The following MTPAP variants were observed in gnomAD, a reference collection of about 807,000 sequenced individuals.
The protein encoded by MTPAP is poly(A) RNA polymerase, mitochondrial.
A neutral mutation model predicts 48.7 loss-of-function variants in MTPAP; 23 were observed. The observed-to-expected ratio is 0.47, with a 90% CI of 0.34 to 0.67. The LOEUF (loss-of-function observed/expected upper bound fraction) is 0.67. Among genes scored for constraint, MTPAP ranks in the 30% least tolerant of loss-of-function variants. The pLI, the probability that MTPAP is intolerant of heterozygous loss-of-function variation, is 0.01. For missense variants in MTPAP, 614 were observed against 694.3 expected (o/e 0.88, Z 1.30); for synonymous variants, 257 against 254.1 (o/e 1.01, Z -0.11).
Position 30,341,641 on chromosome 10 carries a change from CT to C in MTPAP, c.158-2del. 1 of 1,613,814 alleles carries C rather than the reference CT, an allele frequency of 6.2e-7. No individual in the cohort carries two copies. Among genetic ancestry groups the C allele is most frequent in the Non-Finnish European group, 8.5e-7 (1 of 1,179,988 alleles). On this transcript the variant is annotated splice_acceptor_variant, in intron 1 of 8. Transcript: ENST00000263063. LOFTEE classifies it high-confidence loss of function. The stretch of plus-strand genomic sequence containing the variant: ...CTTTTGGGAATCTTGTCTTCAAAGC[CT>C]ATGAACGAGACAAAAACATTTCCAC...
chr10:30,317,773 C>T (rs1008033667), intron 6 of MTPAP, among the ~76,000 whole-genome samples: 2 of 152,166 alleles, frequency 1.3e-5, no homozygotes, highest in Admixed American at 6.5e-5. Flanking sequence ...TTCATTATTG[C>T]CCAACTCCCC....
At chr10:30,341,747 C>T in intron 1 of MTPAP, 107 bp from the exon 2 acceptor site, 2 of 1,157,556 alleles carry the variant, frequency 1.7e-6, no homozygotes, top group Non-Finnish European at 2.6e-6. Context: ...CCAACTTCAC[C>T]TAATCTATTT....
rs1034015252 is a variant in MTPAP, at chr10:30,311,494, A to C, written c.*2115T>G. ...GAAAGGCAACAGTTAAAGAGAAGTA[A>C]CATTTACTTCGCGCCAGGAAAATGC... On this transcript the variant is annotated 3_prime_UTR_variant, in exon 9 of 9. Coordinates refer to ENST00000263063, the MANE Select transcript of MTPAP (RefSeq NM_018109.4). 1 of 152,216 alleles carries C rather than the reference A, an allele frequency of 6.6e-6. No homozygotes were observed. Among genetic ancestry groups the C allele is most frequent in the African/African-American group, 2.4e-5 (1 of 41,440 alleles). The allele number at this position is 152,216 out of a possible 1,614,324, so 9.4% of individuals were successfully genotyped here.
chr10:30,348,368 C>G (rs1425819997), intron 1 of MTPAP, among the ~76,000 whole-genome samples: 1 of 152,172 alleles, frequency 6.6e-6, no homozygotes, highest in Non-Finnish European at 1.5e-5. Context: ...ATTAACTGAG[C>G]TAGTGACCTT....
chr10:30,328,852 TAGGG>T (rs2132856218), intron 4 of MTPAP, among the ~76,000 whole-genome samples: 1 of 151,768 alleles, frequency 6.6e-6, no homozygotes, highest in South Asian at 2.1e-4. Flanking sequence ...TCAGTGCGGG[TAGGG>T]AGGAAGGAGT....
chr10:30,316,410 T>C (rs1243833173), intron 6 of MTPAP, among the ~76,000 whole-genome samples, 200 bp from the exon 7 acceptor site: 1 of 151,562 alleles, frequency 6.6e-6, no homozygotes, highest in Admixed American at 6.6e-5. Context: ...GCTCAGCTCA[T>C]TTTTGTATTT....
At chr10:30,342,223 G>T (rs567795696) in intron 1 of MTPAP, among the ~76,000 whole-genome samples, 3 of 152,138 alleles carry the variant, frequency 2.0e-5, no homozygotes, top group Non-Finnish European at 4.4e-5. Context: ...GCAACAGAGC[G>T]AGACTCTGTC....
intron 1 of MTPAP, among the ~76,000 whole-genome samples, chr10:30,343,493 G>T (rs921494883): frequency 6.6e-6 from 1 of 151,850 alleles, no homozygotes; most frequent in Admixed American, 6.6e-5. Context: ...GAAGCTTTTA[G>T]CCTCATTTTC....
rs775268924 is a variant in MTPAP at position 30,326,576 on chromosome 10, T to C, written c.840A>G (p.Ala280=). 6.2e-7 allele frequency: 1 copy of C among 1,614,192 alleles called. No individual in the cohort carries two copies. The highest frequency in any genetic ancestry group is 1.1e-5 in the South Asian group (1 of 91,088). Residue 280 remains alanine (A), a synonymous_variant, in exon 5 of 9, where the codon GCA becomes GCG. Coordinates refer to ENST00000263063, the MANE Select transcript of MTPAP (RefSeq NM_018109.4). The part of the protein sequence containing the change: ...QVKNVPSERI[A]TQKILSVLGE... ...CTAACACAGACAGGATCTTCTGAGT[T>C]GCAATTCTTTCTGAAGGAACATTTT...
rs772016397 is a variant in MTPAP, at chr10:30,336,847, T to C, written c.736A>G (p.Met246Val). 1 of 1,612,426 alleles carries C rather than the reference T, an allele frequency of 6.2e-7. No individual in the cohort carries two copies. The highest frequency in any genetic ancestry group is 8.5e-7 in the Non-Finnish European group (1 of 1,179,980). Reference protein sequence around the residue: ...TFGKLGCDLDMFLDLDETRNL... With the variant: ...TFGKLGCDLDVFLDLDETRNL... ...CTGGTTTCATCTAGATCCAAAAACATGTCCAAATCACATCCTAACTTCCCA... is the reference window on the plus strand; with the variant it reads ...CTGGTTTCATCTAGATCCAAAAACACGTCCAAATCACATCCTAACTTCCCA... Residue 246 changes from methionine to valine, a missense_variant, in exon 4 of 9, where the codon ATG (methionine) becomes GTG (valine). By Grantham distance (21) the Met-to-Val change is conservative (BLOSUM62 1). Transcript: ENST00000263063.
rs531013129 is a variant in MTPAP at position 30,339,655 on chromosome 10, C to T, written c.555+571G>A. Among the ~76,000 whole-genome samples, 5 of 152,108 alleles carry T rather than the reference C, an allele frequency of 3.3e-5. No individual in the cohort carries two copies. In the South Asian group the frequency reaches 6.2e-4, roughly 19 times the overall value. ...ACCTGTAAGTACAAATGGGGCATGGCGGGGAAGGAGCAGACAAGGATTACT... is the reference window on the plus strand; with the variant it reads ...ACCTGTAAGTACAAATGGGGCATGGTGGGGAAGGAGCAGACAAGGATTACT... On this transcript the variant is annotated intron_variant, in intron 3 of 8. Transcript: ENST00000263063.
rs1840599078 is a variant in MTPAP at position 30,312,023 on chromosome 10, T to G, written c.*1586A>C. 1 of 152,270 alleles carries G rather than the reference T, an allele frequency of 6.6e-6. No individual in the cohort carries two copies. The highest frequency in any genetic ancestry group is 2.4e-5 in the African/African-American group (1 of 41,422). The allele number at this position is 152,270 out of a possible 1,614,324, so 9.4% of individuals were successfully genotyped here. On this transcript the variant is annotated 3_prime_UTR_variant, in exon 9 of 9. Coordinates refer to ENST00000263063, the MANE Select transcript of MTPAP (RefSeq NM_018109.4). ...TTAGCTGGGCTTGGTGGTGGGCGCC[T>G]GTAATCCCAGCTGAGGCAGGAGAAT... is the stretch of plus-strand genomic sequence containing the variant.
At chr10:30,331,270 T>G (rs1834662947) in intron 4 of MTPAP, among the ~76,000 whole-genome samples, 1 of 152,244 alleles carries the variant, frequency 6.6e-6, no homozygotes, top group Non-Finnish European at 1.5e-5. Flanking sequence ...ATCTGTTTAT[T>G]AGCAAATCAT....
At chr10:30,329,884 T>C (rs928152729) in intron 4 of MTPAP, among the ~76,000 whole-genome samples, 5 of 151,722 alleles carry the variant, frequency 3.3e-5, no homozygotes, top group African/African-American at 1.2e-4. Flanking sequence ...ATACAGTAGA[T>C]TGAACTGCCA....
At chr10:30,315,821 T>C in intron 8 of MTPAP, 142 bp downstream of exon 8, 2 of 949,716 alleles carry the variant, frequency 2.1e-6, no homozygotes, top group East Asian at 2.7e-5. Context: ...GTAACTTCTC[T>C]GGACATCAAC....
intron 6 of MTPAP, among the ~76,000 whole-genome samples, chr10:30,320,226 G>A (rs541530555): frequency 3.3e-5 from 5 of 152,284 alleles, no homozygotes; most frequent in African/African-American, 1.2e-4. Context: ...TTGCACCACT[G>A]CACTCCAGCC....
At chr10:30,319,503 G>A (rs1265616402) in intron 6 of MTPAP, among the ~76,000 whole-genome samples, 1 of 152,078 alleles carries the variant, frequency 6.6e-6, no homozygotes, top group Non-Finnish European at 1.5e-5. Flanking sequence ...ACTCAATATG[G>A]TTTTGATTGT....
chr10:30,345,490 A>G (rs750948056), intron 1 of MTPAP, among the ~76,000 whole-genome samples: 8 of 152,208 alleles, frequency 5.3e-5, no homozygotes, highest in Non-Finnish European at 1.0e-4. Flanking sequence ...GTTTGATTAA[A>G]AAAAATGGAG....
chr10:30,320,135 A>G (rs138202947), intron 6 of MTPAP, among the ~76,000 whole-genome samples: 1,565 of 152,306 alleles, frequency 0.01, 21 homozygotes, highest in Non-Finnish European at 0.016. Context: ...TGGTGGCACA[A>G]GCCTGTATAT....
Sources: gnomAD v4.1 joint callset for allele counts (sites outside exome capture counted in the v4.1 genomes callset) on GRCh38, gnomAD v4.1.1 for gene constraint, MANE v1.5 for transcripts, NCBI Gene and HGNC (gene_info 2026-07-23, HGNC 2026-07-21) for gene names.